The following NLN variants were observed in gnomAD, a reference collection of about 807,000 sequenced individuals.
NLN encodes neurolysin, mitochondrial.
Under a neutral mutation model 79.9 loss-of-function variants are expected in NLN, and 64 were observed. The ratio of observed to expected loss-of-function variants is 0.80; its 90% CI spans 0.65 to 0.99. The LOEUF (loss-of-function observed/expected upper bound fraction) is 0.99, where lower values mean the gene tolerates loss of function less well. Ranked by LOEUF, NLN falls within the 50% of genes least tolerant of loss-of-function variation. The pLI is 0.00. For synonymous variants in NLN, 267 were observed against 296.6 expected (o/e 0.90, Z 1.02); for missense variants, 835 against 858.7 (o/e 0.97, Z 0.34).
chr5:65,765,820 G>T (rs996947586), intron 3 of NLN, among the ~76,000 whole-genome samples: 11 of 152,032 alleles, frequency 7.2e-5, no homozygotes, highest in African/African-American at 2.7e-4. Flanking sequence ...AAATTAGGAT[G>T]CTCTGAATAA....
intron 1 of NLN, among the ~76,000 whole-genome samples, chr5:65,723,794 G>C (rs1004789171): frequency 1.7e-5 from 2 of 117,782 alleles, no homozygotes; most frequent in Non-Finnish European, 3.3e-5. Flanking sequence ...TAGCCTGGGC[G>C]ACAGAGCAAG....
chr5:65,822,567 G>T (rs990464983), intron 12 of NLN, among the ~76,000 whole-genome samples: 1 of 152,164 alleles, frequency 6.6e-6, no homozygotes, highest in African/African-American at 2.4e-5. Context: ...CATAATAAAG[G>T]ACAGTGTAGA....
At chr5:65,810,204 A>C in intron 11 of NLN, 39 bp downstream of exon 11, 1 of 1,581,926 alleles carries the variant, frequency 6.3e-7, no homozygotes, top group East Asian at 2.2e-5. Flanking sequence ...TTCTCTGTGA[A>C]GCACAGGGCG....
intron 3 of NLN, among the ~76,000 whole-genome samples, chr5:65,769,922 T>C (rs974148468): frequency 1.3e-5 from 2 of 152,194 alleles, no homozygotes; most frequent in Non-Finnish European, 2.9e-5. Context: ...ATTCAGTAAA[T>C]GTTCATCAAA....
chr5:65,777,150 C>G (rs1418687662), intron 3 of NLN, among the ~76,000 whole-genome samples: 1 of 152,204 alleles, frequency 6.6e-6, no homozygotes, highest in African/African-American at 2.4e-5. Flanking sequence ...TGCAAATGCT[C>G]TGTTATCACA....
intron 1 of NLN, among the ~76,000 whole-genome samples, chr5:65,731,652 C>A (rs560143616): frequency 6.7e-6 from 1 of 148,572 alleles, no homozygotes; most frequent in African/African-American, 2.5e-5. Context: ...AAATATCAGT[C>A]TTTTCCTTTA....
In NLN at chr5:65,822,874, C is replaced by T; in HGVS notation, c.2074C>T (p.Gln692Ter). 6.2e-7 allele frequency: 1 copy of T among 1,613,106 alleles called. No homozygotes were observed. The highest frequency in any genetic ancestry group is 8.5e-7 in the Non-Finnish European group (1 of 1,179,192). The change falls in exon 13 of 13, where the codon CAA becomes TAA. Residue 692 changes from glutamine (Q) to a stop codon, truncating the protein, a stop_gained. Coordinates refer to ENST00000380985, the MANE Select transcript of NLN (RefSeq NM_020726.5). LOFTEE classifies it high-confidence loss of function. ...CAATTTCTTGAAACGTGAGCCAAAC[C>T]AAAAAGCGTTCCTAATGAGTAGAGG... is the stretch of plus-strand genomic sequence containing the variant. ...LHNFLKREPN[Q>*]KAFLMSRGLH...
chr5:65,767,015 G>T (rs2161610), intron 3 of NLN, among the ~76,000 whole-genome samples: 31,329 of 152,200 alleles, frequency 0.21, 3,351 homozygotes, highest in Non-Finnish European at 0.24. Context: ...CCCTGTAGCT[G>T]CTTTCACAGG....
chr5:65,799,010 T>C (rs186141123), intron 9 of NLN, among the ~76,000 whole-genome samples: 1 of 152,214 alleles, frequency 6.6e-6, no homozygotes, highest in East Asian at 1.9e-4. Flanking sequence ...GCTTCCTAAG[T>C]AGCTGGGACC....
At chr5:65,763,156 A>G (rs1042377167) in intron 3 of NLN, 48 bp downstream of exon 3, 4 of 1,503,046 alleles carry the variant, frequency 2.7e-6, no homozygotes, top group Non-Finnish European at 3.7e-6. Context: ...CTCTACAACA[A>G]AAAAGAACAT....
chr5:65,736,258 A>G (rs1365152766), intron 1 of NLN, among the ~76,000 whole-genome samples: 1 of 152,174 alleles, frequency 6.6e-6, no homozygotes, highest in Non-Finnish European at 1.5e-5. Context: ...TTTCACATGG[A>G]TATGGTTCAT....
rs374726316 is a variant in NLN, at chr5:65,736,245, T to A, written c.41+13831T>A. ...ATGATTTAGTTTTGCATAATGAAAC[T>A]AGTTTCACATGGATATGGTTCATTT... On this transcript the variant is annotated intron_variant, in intron 1 of 12. Coordinates refer to ENST00000380985, the MANE Select transcript of NLN (RefSeq NM_020726.5). 2.6e-4 allele frequency among the ~76,000 whole-genome samples: 39 copies of A among 152,342 alleles called. 1 individual carries two copies. Among genetic ancestry groups the A allele is most frequent in the African/African-American group, 8.7e-4 (36 of 41,584 alleles).
At chr5:65,768,219 A>G (rs192226261) in intron 3 of NLN, among the ~76,000 whole-genome samples, 1 of 152,340 alleles carries the variant, frequency 6.6e-6, no homozygotes, top group Non-Finnish European at 1.5e-5. Context: ...GCTATAAAGA[A>G]TACCTGAGAC....
At chr5:65,816,346 G>T (rs141578407) in intron 12 of NLN, among the ~76,000 whole-genome samples, 2 of 152,050 alleles carry the variant, frequency 1.3e-5, no homozygotes, top group Non-Finnish European at 2.9e-5. Context: ...ACATGGACAC[G>T]TAGAGGAGAA....
intron 7 of NLN, 40 bp downstream of exon 7, chr5:65,785,950 C>T (rs1561201300): frequency 3.2e-6 from 5 of 1,586,650 alleles, no homozygotes; most frequent in Middle Eastern, 1.7e-4. Flanking sequence ...TTTTGCTATA[C>T]CATGTCAACC....
intron 12 of NLN, 147 bp downstream of exon 12, chr5:65,812,538 T>A: frequency 1.7e-6 from 1 of 602,970 alleles, no homozygotes; most frequent in Non-Finnish European, 2.9e-6. Context: ...TTTCAAATCA[T>A]CATACATCAT....
chr5:65,755,720 A>C lies in NLN; in HGVS notation c.42-2847A>C, dbSNP rs563744906. Among the ~76,000 whole-genome samples the C allele has an allele frequency of 4.6e-5, 7 of 152,316 alleles. No individual in the cohort carries two copies. The East Asian group carries it at 1.3e-3, about 29-fold the overall frequency. On this transcript the variant is annotated intron_variant, in intron 1 of 12. Transcript: ENST00000380985. ...CAACTGGTGGAAGAAGAAATGTGAA[A>C]ATGTATTAGAAAATAGCCTGGCAGC...
At chr5:65,730,807 C>T (rs768935765) in intron 1 of NLN, among the ~76,000 whole-genome samples, 48 of 152,210 alleles carry the variant, frequency 3.2e-4, no homozygotes, top group Non-Finnish European at 5.7e-4. Context: ...CTGCCTCTGC[C>T]TCCCAAAGTG....
chr5:65,753,057 T>C (rs1027709774), intron 1 of NLN, among the ~76,000 whole-genome samples: 3 of 152,136 alleles, frequency 2.0e-5, no homozygotes, highest in Non-Finnish European at 4.4e-5. Flanking sequence ...CCGGCCGAGG[T>C]GGAGGTATTG....
Sources: gnomAD v4.1 joint callset for allele counts (sites outside exome capture counted in the v4.1 genomes callset) on GRCh38, gnomAD v4.1.1 for gene constraint, MANE v1.5 for transcripts, NCBI Gene and HGNC (gene_info 2026-07-23, HGNC 2026-07-21) for gene names.